KCNMB2: variants seen among roughly 807,000 people sequenced by gnomAD.
The protein encoded by KCNMB2 is potassium calcium-activated channel subfamily M regulatory beta subunit 2.
In KCNMB2, 9 loss-of-function variants were observed where a neutral mutation model predicts 24.5. That is an observed-to-expected ratio of 0.37 (90% CI 0.22 to 0.64). The LOEUF (loss-of-function observed/expected upper bound fraction) is 0.64. Ranked by LOEUF, KCNMB2 falls within the 30% of genes least tolerant of loss-of-function variation. The pLI, the probability that KCNMB2 is intolerant of heterozygous loss-of-function variation, is 0.63. For synonymous variants in KCNMB2, 109 were observed against 104.4 expected, an observed-to-expected ratio of 1.04 and a Z score of -0.27; for missense variants, 226 against 284.3, an observed-to-expected ratio of 0.79 and a Z score of 1.47.
At chr3:178,811,865 A>T (rs552803100) in intron 2 of KCNMB2, among the ~76,000 whole-genome samples, 2 of 152,336 alleles carry the variant, frequency 1.3e-5, no homozygotes, top group South Asian at 4.1e-4. Flanking sequence ...ATTTTCAGTA[A>T]TCAAGAGGGT....
intron 1 of KCNMB2, among the ~76,000 whole-genome samples, chr3:178,703,124 A>G (rs190907109): frequency 6.6e-6 from 1 of 152,310 alleles, no homozygotes. Flanking sequence ...GAATCAGTAA[A>G]TAAACAAAAA....
intron 1 of KCNMB2, among the ~76,000 whole-genome samples, chr3:178,787,083 G>C (rs1354764869): frequency 6.6e-6 from 1 of 152,080 alleles, no homozygotes; most frequent in East Asian, 1.9e-4. Flanking sequence ...AGCATAGCTA[G>C]TGCTCTTTCC....
intron 1 of KCNMB2, among the ~76,000 whole-genome samples, chr3:178,718,008 A>G (rs1722675647): frequency 6.6e-6 from 1 of 152,158 alleles, no homozygotes; most frequent in South Asian, 2.1e-4. Flanking sequence ...AACTGCCACC[A>G]TCTTTAACAA....
intron 1 of KCNMB2, among the ~76,000 whole-genome samples, chr3:178,725,271 T>C (rs1407499268): frequency 6.6e-6 from 1 of 152,040 alleles, no homozygotes; most frequent in Non-Finnish European, 1.5e-5. Flanking sequence ...TATGTGTGTG[T>C]GGCTATTGTA....
chr3:178,701,872 G>C (rs910836816), intron 1 of KCNMB2, among the ~76,000 whole-genome samples: 3 of 152,098 alleles, frequency 2.0e-5, no homozygotes, highest in African/African-American at 7.2e-5. Context: ...ATTCCTCAGG[G>C]ATCTAGAATT....
chr3:178,664,645 A>G (rs1720653671), intron 1 of KCNMB2, among the ~76,000 whole-genome samples: 2 of 152,008 alleles, frequency 1.3e-5, no homozygotes, highest in African/African-American at 4.8e-5. Flanking sequence ...ATTTTTTTCT[A>G]CATCTCTTTT....
intron 1 of KCNMB2, among the ~76,000 whole-genome samples, chr3:178,629,612 T>A (rs931855812): frequency 6.6e-6 from 1 of 152,174 alleles, no homozygotes; most frequent in African/African-American, 2.4e-5. Context: ...TGTATTTTGT[T>A]ATGTAATAGT....
At chr3:178,823,113 C>A (rs60459176) in intron 2 of KCNMB2, among the ~76,000 whole-genome samples, 23,338 of 152,250 alleles carry the variant, frequency 0.15, 1,996 homozygotes, top group Non-Finnish European at 0.2. Flanking sequence ...TAGCTGCTAA[C>A]GGACACTGAT....
intron 1 of KCNMB2, among the ~76,000 whole-genome samples, chr3:178,701,602 G>A (rs1464371625): frequency 2.0e-5 from 3 of 152,080 alleles, no homozygotes; most frequent in Non-Finnish European, 2.9e-5. Flanking sequence ...CAAAAAGTGG[G>A]TGAAGGATAC....
intron 1 of KCNMB2, among the ~76,000 whole-genome samples, chr3:178,796,157 A>T (rs116659382): frequency 0.015 from 2,317 of 152,292 alleles, 67 homozygotes; most frequent in African/African-American, 0.054. Flanking sequence ...GAAAATGTAT[A>T]AAAAGAGACA....
chr3:178,688,149 T>C (rs9847663), intron 1 of KCNMB2, among the ~76,000 whole-genome samples: 58,284 of 151,994 alleles, frequency 0.38, 11,213 homozygotes, highest in Middle Eastern at 0.5. Context: ...CAGAACTTGC[T>C]GATTTGAAAA....
intron 2 of KCNMB2, among the ~76,000 whole-genome samples, chr3:178,813,545 A>G (rs1033901251): frequency 1.3e-5 from 2 of 152,086 alleles, no homozygotes; most frequent in South Asian, 2.1e-4. Context: ...TGATTTCCCT[A>G]TTTGTATTTT....
chr3:178,558,766 A>G (rs1320176626), intron 1 of KCNMB2: 1 of 152,142 alleles, frequency 6.6e-6, no homozygotes, highest in African/African-American at 2.4e-5. Context: ...TTTACCTTGC[A>G]TGGTTGACTG....
chr3:178,569,483 T>G (rs1013678153), intron 1 of KCNMB2, among the ~76,000 whole-genome samples: 1 of 152,144 alleles, frequency 6.6e-6, no homozygotes, highest in African/African-American at 2.4e-5. Context: ...AACAAAATAA[T>G]AGATGCCACC....
At chr3:178,630,120 CA>C (rs2108536681) in intron 1 of KCNMB2, among the ~76,000 whole-genome samples, 1 of 152,278 alleles carries the variant, frequency 6.6e-6, no homozygotes, top group Admixed American at 6.5e-5. Context: ...TAAATGACCA[CA>C]AAGTCCATTT....
At chr3:178,813,947 A>ATGT (rs2108457774) in intron 2 of KCNMB2, among the ~76,000 whole-genome samples, 1 of 140,202 alleles carries the variant, frequency 7.1e-6, no homozygotes, top group East Asian at 2.1e-4. Flanking sequence ...TAACTTCACT[A>ATGT]CGTTGTTGTT....
At chr3:178,610,836 T>TC (rs983081358) in intron 1 of KCNMB2, among the ~76,000 whole-genome samples, 1 of 152,232 alleles carries the variant, frequency 6.6e-6, no homozygotes, top group African/African-American at 2.4e-5. Context: ...TTTCAGTTTT[T>TC]CCCCACTTAA....
intron 1 of KCNMB2, among the ~76,000 whole-genome samples, chr3:178,586,424 A>C (rs937879489): frequency 6.6e-6 from 1 of 152,140 alleles, no homozygotes; most frequent in African/African-American, 2.4e-5. Flanking sequence ...TTTAGCATAA[A>C]ATAAATCTTG....
At chr3:178,828,588 G>C (rs926605713) in intron 4 of KCNMB2, among the ~76,000 whole-genome samples, 14 of 152,116 alleles carry the variant, frequency 9.2e-5, no homozygotes, top group African/African-American at 3.4e-4. Flanking sequence ...ATTTGTGGTA[G>C]TGCAGATTTA....
Sources: allele counts gnomAD v4.1 joint callset (sites outside exome capture counted in the v4.1 genomes callset), GRCh38; gene constraint gnomAD v4.1.1; transcripts MANE v1.5; gene names NCBI Gene and HGNC (gene_info 2026-07-23, HGNC 2026-07-21).